Variants in DOCK7 observed in about 807,000 individuals in gnomAD.
The protein encoded by DOCK7 is dedicator of cytokinesis 7, also known as dedicator of cytokinesis protein 7.
In DOCK7, 138 loss-of-function variants were observed where a neutral mutation model predicts 271.0. The observed-to-expected ratio is 0.51, with a 90% CI of 0.44 to 0.59. The LOEUF is 0.59. DOCK7 is among the 20% of genes least tolerant of loss of function. The probability of loss-of-function intolerance (pLI) is 0.00; values close to 1 mark genes in which losing one functional copy is unlikely to be tolerated. For missense variants in DOCK7, 2,066 were observed against 2,592.4 expected, an observed-to-expected ratio of 0.80 and a Z score of 4.41; for synonymous variants, 823 against 876.1, an observed-to-expected ratio of 0.94 and a Z score of 1.07.
At chr1:62,467,749 A>G (rs1427558466) in intron 48 of DOCK7, among the ~76,000 whole-genome samples, 1 of 152,210 alleles carries the variant, frequency 6.6e-6, no homozygotes, top group Non-Finnish European at 1.5e-5. Context: ...TTCCTAAATC[A>G]TTCTATGAAG....
Position 62,559,740 on chromosome 1 carries a change from T to C in DOCK7, c.2200-520A>G, listed in dbSNP as rs550305956. Among the ~76,000 whole-genome samples, 9 of 152,264 alleles carry C rather than the reference T, an allele frequency of 5.9e-5. No individual in the cohort carries two copies. The South Asian group carries it at 1.4e-3, about 25-fold the overall frequency. On this transcript the variant is annotated intron_variant, in intron 19 of 49. Transcript: ENST00000635253. The stretch of plus-strand genomic sequence containing the variant: ...CTCACTGTGCAGAAAAGAATTAACA[T>C]AGTGGGCTTAAGACAGCTATTCTTT...
rs1650293076 is a variant in DOCK7, at chr1:62,602,454, G to C, written c.1683-15830C>G. 20 of 1,328,758 alleles carry C rather than the reference G, an allele frequency of 1.5e-5. No individual in the cohort carries two copies. The South Asian group carries it at 2.4e-4, about 16-fold the overall frequency. The allele number at this position is 1,328,758 out of a possible 1,614,324, so 82.3% of individuals were successfully genotyped here. On this transcript the variant is annotated intron_variant, in intron 14 of 49. Coordinates refer to ENST00000635253, the MANE Select transcript of DOCK7 (RefSeq NM_001367561.1). ...TTTACTGAGAACCTCTTATGGACCA[G>C]GTATTAGGAAAAGTAGTAACGAACG...
chr1:62,456,541 C>G (rs1421576470), intron 49 of DOCK7, among the ~76,000 whole-genome samples: 1 of 152,136 alleles, frequency 6.6e-6, no homozygotes, highest in East Asian at 1.9e-4. Flanking sequence ...AGATACTGTT[C>G]ATCAAGAAAA....
chr1:62,488,913 G>A, intron 42 of DOCK7, 21 bp downstream of exon 42: 1 of 1,613,214 alleles, frequency 6.2e-7, no homozygotes, highest in Non-Finnish European at 8.5e-7. Flanking sequence ...TTATAGTGAA[G>A]CTAGAAATTG....
chr1:62,476,161 A>C lies in DOCK7; in HGVS notation c.5635-5T>G. ...AAATCTTTCTCCGTAAAATCCCTAC[A>C]ATAAAGAAAAAGAAACATTTTATAT... On this transcript the variant is annotated splice_region_variant and splice_polypyrimidine_tract_variant and intron_variant, in intron 44 of 49. Coordinates refer to ENST00000635253, the MANE Select transcript of DOCK7 (RefSeq NM_001367561.1). The C allele has an allele frequency of 6.2e-7, 1 of 1,608,554 alleles. No homozygotes were observed. The highest frequency in any genetic ancestry group is 2.2e-5 in the East Asian group (1 of 44,804).
intron 48 of DOCK7, among the ~76,000 whole-genome samples, chr1:62,469,830 T>C (rs1645778143): frequency 6.6e-6 from 1 of 150,976 alleles, no homozygotes; most frequent in Admixed American, 6.6e-5. Flanking sequence ...TCACTAATGA[T>C]CAGGGAAATG....
chr1:62,529,909 G>A (rs1397536529), intron 29 of DOCK7, among the ~76,000 whole-genome samples: 1 of 152,106 alleles, frequency 6.6e-6, no homozygotes, highest in African/African-American at 2.4e-5. Flanking sequence ...TAGCCCACAG[G>A]CTGGGGTTGC....
intron 2 of DOCK7, among the ~76,000 whole-genome samples, chr1:62,654,456 T>C (rs891324839): frequency 1.3e-5 from 2 of 152,284 alleles, no homozygotes; most frequent in Non-Finnish European, 1.5e-5. Context: ...GTTTACAAAG[T>C]ACTCACTGGA....
At chr1:62,537,802 TATTCA>T in intron 28 of DOCK7, 84 bp downstream of exon 28, 1 of 1,190,106 alleles carries the variant, frequency 8.4e-7, no homozygotes, top group Non-Finnish European at 1.2e-6. Context: ...ATACAGCTGT[TATTCA>T]ATAAGTGTTA....
chr1:62,637,581 T>C (rs369583598), intron 7 of DOCK7, among the ~76,000 whole-genome samples: 4 of 152,306 alleles, frequency 2.6e-5, no homozygotes, highest in African/African-American at 9.6e-5. Context: ...AAGTCAATAG[T>C]GCTGACATTG....
At position 62,557,301 on chromosome 1, in the gene DOCK7, A is replaced by G. The variant is rs1021132777; in HGVS notation, c.2432-1312T>C. Reference sequence around the variant, plus strand: ...TCTCCTATGTAAGAGTGATCTATCTATCACCTTTACTCTTGTCTCCCAGAA... The same window carrying G: ...TCTCCTATGTAAGAGTGATCTATCTGTCACCTTTACTCTTGTCTCCCAGAA... On this transcript the variant is annotated intron_variant, in intron 20 of 49. Transcript: ENST00000635253. Among the ~76,000 whole-genome samples, 4 of 150,864 alleles carry G rather than the reference A, an allele frequency of 2.7e-5. No homozygotes were observed. The South Asian group carries it at 8.4e-4, about 32-fold the overall frequency.
At position 62,494,394 on chromosome 1, in the gene DOCK7, C is replaced by T. The variant is rs780985900; in HGVS notation, c.5098G>A (p.Glu1700Lys). ...WLQNMAGKHS[E>K]RSNHAEAAQC... ...GCAGCTTCAGCATGATTGCTTCGTT[C>T]TGAGTGCTTGCCTGCCATGTTCTGC... The change falls in exon 40 of 50, where the codon GAA (glutamate) becomes AAA (lysine). Residue 1700 changes from glutamate to lysine, a missense_variant. Around this residue, in one of 2 missense-constraint regions of DOCK7, gnomAD observed 652 missense variants for 922.1 expected, o/e 0.71. Transcript: ENST00000635253. 3 of 1,613,354 alleles carry T rather than the reference C, an allele frequency of 1.9e-6. No individual in the cohort carries two copies. Among genetic ancestry groups the T allele is most frequent in the Non-Finnish European group, 2.5e-6 (3 of 1,179,450 alleles).
At chr1:62,486,619 T>G (rs1358909082) in intron 43 of DOCK7, 1 of 152,134 alleles carries the variant, frequency 6.6e-6, no homozygotes, top group Non-Finnish European at 1.5e-5. Context: ...TTGTGAGTCT[T>G]AACTACTACA....
In DOCK7 at chr1:62,529,290, C is replaced by T; in HGVS notation, c.3768G>A (p.Leu1256=). ...TATACTAGGTACCTGTAAAATCATA[C>T]AGCTGAGGTACAGTTTCCATGATAA... The part of the protein sequence containing the change: ...IGIIMETVPQ[L]YDFTETHNQR... Residue 1256 remains leucine, a synonymous_variant, in exon 30 of 50, where the codon CTG becomes CTA. Transcript: ENST00000635253. The T allele has an allele frequency of 6.2e-7, 1 of 1,601,564 alleles. No homozygotes were observed. The highest frequency in any genetic ancestry group is 8.5e-7 in the Non-Finnish European group (1 of 1,175,744).
At chr1:62,474,773 C>T (rs1379517127) in intron 47 of DOCK7, among the ~76,000 whole-genome samples, 3 of 152,094 alleles carry the variant, frequency 2.0e-5, no homozygotes, top group African/African-American at 4.8e-5. Context: ...ATGAACCAAC[C>T]ACAAGGACTA....
At position 62,475,278 on chromosome 1, in the gene DOCK7, T is replaced by A. The variant is rs188799098; in HGVS notation, c.6035A>T (p.His2012Leu). Reference sequence around the variant, plus strand: ...CATTTTGGGGTCTGCGGGATCCTGATGTGTTGCAAATGCCAACTCCTGTGT... The same window carrying A: ...CATTTTGGGGTCTGCGGGATCCTGAAGTGTTGCAAATGCCAACTCCTGTGT... ...KKTQELAFAT[H>L]QDPADPKMLQ... Residue 2012 changes from histidine to leucine, a missense_variant, in exon 47 of 50, where the codon CAT becomes CTT. By Grantham distance (99) the His-to-Leu change is moderately conservative. Coordinates refer to ENST00000635253, the MANE Select transcript of DOCK7 (RefSeq NM_001367561.1). 1.9e-6 allele frequency: 3 copies of A among 1,614,096 alleles called. No individual in the cohort carries two copies. In the East Asian group the frequency reaches 6.7e-5, roughly 36 times the overall value.
At chr1:62,511,383 C>T (rs1160897940) in intron 33 of DOCK7, 3 of 152,122 alleles carry the variant, frequency 2.0e-5, no homozygotes, top group Non-Finnish European at 4.4e-5. Flanking sequence ...GTGGAGACAG[C>T]ATTGAGAATG....
Position 62,618,653 on chromosome 1 carries a change from T to G in DOCK7, c.1682+53A>C. 3 of 1,479,914 alleles carry G rather than the reference T, an allele frequency of 2.0e-6. No homozygotes were observed. The Admixed American group carries it at 5.4e-5, about 27-fold the overall frequency. The allele number at this position is 1,479,914 out of a possible 1,614,324, so 91.7% of individuals were successfully genotyped here. ...AGTTTATTCTAGTTATACTTTAATA[T>G]TTTAGAATATACAGTATCTTCTATC... On this transcript the variant is annotated intron_variant, in intron 14 of 49. Coordinates refer to ENST00000635253, the MANE Select transcript of DOCK7 (RefSeq NM_001367561.1).
chr1:62,601,882 G>C lies in DOCK7; in HGVS notation c.1683-15258C>G, dbSNP rs1447456132. 3.1e-6 allele frequency: 5 copies of C among 1,591,026 alleles called. No individual in the cohort carries two copies. In the African/African-American group the frequency reaches 5.4e-5, roughly 17 times the overall value. ...TCATGTCTACTGTGATGTTATATCAGGTAAAACCTGTCTAAGGAGAATAGA... is the reference window on the plus strand; with the variant it reads ...TCATGTCTACTGTGATGTTATATCACGTAAAACCTGTCTAAGGAGAATAGA... On this transcript the variant is annotated intron_variant, in intron 14 of 49. Transcript: ENST00000635253.
Sources: allele counts gnomAD v4.1 joint callset (sites outside exome capture counted in the v4.1 genomes callset), GRCh38; gene constraint gnomAD v4.1.1; regional missense constraint gnomAD v4.1.1; transcripts MANE v1.5; gene names NCBI Gene and HGNC (gene_info 2026-07-23, HGNC 2026-07-21).